Variants in DCAF6 observed in about 807,000 individuals in gnomAD.
DCAF6 encodes DDB1- and CUL4-associated factor 6.
DCAF6 carries 54 observed loss-of-function variants against 125.1 expected under a neutral mutation model. That is an observed-to-expected ratio of 0.43 (90% CI 0.35 to 0.54). The LOEUF is 0.54. Among genes scored for constraint, DCAF6 ranks in the 20% least tolerant of loss-of-function variants. The probability of loss-of-function intolerance (pLI) is 0.01; values close to 1 mark genes in which losing one functional copy is unlikely to be tolerated. For synonymous variants in DCAF6, 371 were observed against 390.4 expected, an observed-to-expected ratio of 0.95 and a Z score of 0.58; for missense variants, 934 against 1,161.7, an observed-to-expected ratio of 0.80 and a Z score of 2.85.
chr1:168,008,264 C>T (rs1380447332), intron 10 of DCAF6, among the ~76,000 whole-genome samples: 7 of 152,052 alleles, frequency 4.6e-5, no homozygotes, highest in African/African-American at 1.5e-4. Flanking sequence ...CCACTGCACC[C>T]GGCCTATTGT....
At chr1:168,021,765 G>A (rs1357822671) in intron 11 of DCAF6, among the ~76,000 whole-genome samples, 1 of 152,092 alleles carries the variant, frequency 6.6e-6, no homozygotes, top group Admixed American at 6.5e-5. Flanking sequence ...ACTTTTAAAT[G>A]TACAAATGCA....
intron 10 of DCAF6, among the ~76,000 whole-genome samples, chr1:168,006,724 T>C (rs1390984555): frequency 6.6e-6 from 1 of 152,230 alleles, no homozygotes; most frequent in African/African-American, 2.4e-5. Flanking sequence ...TTTCCCTGCA[T>C]AGAGATAGAG....
At position 167,983,386 on chromosome 1, in the gene DCAF6, A is replaced by C. The variant is rs1464526507; in HGVS notation, c.439-4109A>C. 2.0e-5 allele frequency among the ~76,000 whole-genome samples: 3 copies of C among 152,168 alleles called. 1 individual carries two copies. Among genetic ancestry groups the C allele is most frequent in the Non-Finnish European group, 4.4e-5 (3 of 68,022 alleles). Reference sequence around the variant, plus strand: ...CCTAGACTAATTCTGTTAAATCTGCATTCTTTTTCAGGTGTAGGCACTGGA... The same window carrying C: ...CCTAGACTAATTCTGTTAAATCTGCCTTCTTTTTCAGGTGTAGGCACTGGA... On this transcript the variant is annotated intron_variant, in intron 4 of 21. Coordinates refer to ENST00000367840, the MANE Select transcript of DCAF6 (RefSeq NM_001198956.2).
At chr1:167,909,421 G>T in the DCAF6 span, among the ~76,000 whole-genome samples, 21 of 152,108 alleles carry the variant, frequency 1.4e-4, no homozygotes, top group African/African-American at 5.1e-4. Flanking sequence ...TGGGTCATAG[G>T]GTATACACAT....
chr1:168,057,595 C>A (rs1691041475), intron 17 of DCAF6, among the ~76,000 whole-genome samples: 1 of 152,044 alleles, frequency 6.6e-6, no homozygotes, highest in Non-Finnish European at 1.5e-5. Context: ...CTTCAATAAA[C>A]CTGTTATGTG....
At chr1:168,003,449 A>G (rs939287884) in intron 8 of DCAF6, among the ~76,000 whole-genome samples, 1 of 152,220 alleles carries the variant, frequency 6.6e-6, no homozygotes, top group South Asian at 2.1e-4. Flanking sequence ...ATGCAAAAGC[A>G]TAAGGCTATT....
chr1:168,074,540 G>A (rs1386732721), intron 21 of DCAF6, among the ~76,000 whole-genome samples: 1 of 152,060 alleles, frequency 6.6e-6, no homozygotes, highest in Non-Finnish European at 1.5e-5. Context: ...AAGATAAAAA[G>A]AAGTAACTCC....
the DCAF6 span, chr1:167,875,331 A>G: frequency 1.3e-6 from 1 of 768,704 alleles, no homozygotes; most frequent in Non-Finnish European, 2.3e-6. Context: ...GCAAACGCCA[A>G]AAGAAGGAGA....
chr1:168,049,109 T>A (rs945906148), intron 16 of DCAF6, among the ~76,000 whole-genome samples: 1 of 152,220 alleles, frequency 6.6e-6, no homozygotes, highest in African/African-American at 2.4e-5. Flanking sequence ...GAAATGTTTG[T>A]TCTCTAATCA....
the DCAF6 span, among the ~76,000 whole-genome samples, chr1:167,875,564 G>A: frequency 6.6e-6 from 1 of 152,200 alleles, no homozygotes; most frequent in East Asian, 1.9e-4. Context: ...CAATAATAGC[G>A]CGCCTTTTAT....
chr1:168,031,813 T>G (rs1241836064), intron 12 of DCAF6, among the ~76,000 whole-genome samples: 1 of 152,214 alleles, frequency 6.6e-6, no homozygotes, highest in African/African-American at 2.4e-5. Context: ...TATTTACTTA[T>G]TTTCATTCTA....
intron 3 of DCAF6, among the ~76,000 whole-genome samples, chr1:167,969,731 A>G (rs979655402): frequency 1.1e-4 from 16 of 152,152 alleles, no homozygotes; most frequent in African/African-American, 3.6e-4. Context: ...TTCAAATCCT[A>G]CTTCTCTTAG....
intron 7 of DCAF6, chr1:167,998,841 T>A (rs1211135171): frequency 1.3e-5 from 2 of 152,774 alleles, no homozygotes; most frequent in Non-Finnish European, 2.9e-5. Flanking sequence ...TGACTTCCTC[T>A]ACTGAAGTCT....
chr1:167,868,939 A>T, the DCAF6 span, among the ~76,000 whole-genome samples: 1 of 152,176 alleles, frequency 6.6e-6, no homozygotes, highest in Non-Finnish European at 1.5e-5. Flanking sequence ...CCGGCAAGAA[A>T]CTCAGATAAG....
the DCAF6 span, among the ~76,000 whole-genome samples, chr1:167,893,314 C>T: frequency 1.3e-5 from 2 of 152,122 alleles, no homozygotes; most frequent in African/African-American, 4.8e-5. Flanking sequence ...TATAAGGCAA[C>T]GCAGTCCTAT....
chr1:168,026,680 T>C (rs1220057223), intron 12 of DCAF6, among the ~76,000 whole-genome samples: 1 of 152,048 alleles, frequency 6.6e-6, no homozygotes, highest in Non-Finnish European at 1.5e-5. Context: ...GAGGAACAGC[T>C]AGCTGATTTG....
chr1:167,878,323 G>T, the DCAF6 span: 1 of 1,092,188 alleles, frequency 9.2e-7, no homozygotes, highest in Non-Finnish European at 1.4e-6. Context: ...GCCTTGGTCT[G>T]GGGAAAGCAT....
At chr1:167,990,125 TTA>T (rs942037722) in intron 5 of DCAF6, among the ~76,000 whole-genome samples, 31 of 152,206 alleles carry the variant, frequency 2.0e-4, no homozygotes, top group African/African-American at 7.2e-4. Context: ...TAATTTTTTG[TTA>T]TATTTTAATA....
chr1:168,054,943 A>G (rs2101885105), intron 17 of DCAF6, among the ~76,000 whole-genome samples: 1 of 152,168 alleles, frequency 6.6e-6, no homozygotes, highest in African/African-American at 2.4e-5. Context: ...CAGCCTCCCA[A>G]GTAGCTGGGG....
Sources: allele counts gnomAD v4.1 joint callset (sites outside exome capture counted in the v4.1 genomes callset), GRCh38; gene constraint gnomAD v4.1.1; transcripts MANE v1.5; gene names NCBI Gene and HGNC (gene_info 2026-07-23, HGNC 2026-07-21).